Variants in SCEL observed in about 807,000 individuals in gnomAD.
SCEL encodes the protein sciellin.
A neutral mutation model predicts 117.6 loss-of-function variants in SCEL; 113 were observed. That is an observed-to-expected ratio of 0.96 (90% CI 0.83 to 1.12). SCEL has a LOEUF of 1.12. Among genes scored for constraint, SCEL ranks in the 50% most tolerant of loss-of-function variants. SCEL has a pLI of 0.00. For missense variants in SCEL, 785 were observed against 810.8 expected (o/e 0.97, Z 0.39); for synonymous variants, 270 against 256.2 (o/e 1.05, Z -0.51).
At chr13:77,542,285 C>T (rs565336889) in intron 1 of SCEL, among the ~76,000 whole-genome samples, 61 of 152,256 alleles carry the variant, frequency 4.0e-4, no homozygotes, top group African/African-American at 1.1e-3. Flanking sequence ...CCTGTAATCC[C>T]AGCTACTCAG....
intron 9 of SCEL, among the ~76,000 whole-genome samples, chr13:77,575,028 A>G (rs1013825844): frequency 1.3e-5 from 2 of 152,172 alleles, no homozygotes; most frequent in East Asian, 1.9e-4. Flanking sequence ...ACTTGAAAAG[A>G]CCATCAAACT....
At chr13:77,584,898 G>C (rs1567380394) in intron 9 of SCEL, among the ~76,000 whole-genome samples, 1 of 152,182 alleles carries the variant, frequency 6.6e-6, no homozygotes, top group Non-Finnish European at 1.5e-5. Flanking sequence ...AAATACTGTA[G>C]AATCTGCCAC....
chr13:77,552,763 C>G (rs2084412568), intron 1 of SCEL, among the ~76,000 whole-genome samples: 6 of 152,146 alleles, frequency 3.9e-5, no homozygotes, highest in Non-Finnish European at 1.5e-5. Flanking sequence ...ACATGAAGTC[C>G]TTGCCCATGC....
chr13:77,593,300 G>GTGCGTGCGCGTC (rs1555510800), intron 11 of SCEL, among the ~76,000 whole-genome samples: 1 of 145,148 alleles, frequency 6.9e-6, no homozygotes, highest in Admixed American at 6.8e-5. Flanking sequence ...GTGTGTGTCT[G>GTGCGTGCGCGTC]TGTGTGTGTG....
chr13:77,583,793 G>T (rs1410966684), intron 9 of SCEL, among the ~76,000 whole-genome samples: 2 of 152,138 alleles, frequency 1.3e-5, no homozygotes, highest in Admixed American at 6.5e-5. Flanking sequence ...TAATAGACAT[G>T]TTCACACAGC....
intron 5 of SCEL, among the ~76,000 whole-genome samples, chr13:77,564,353 T>C (rs536823621): frequency 3.3e-5 from 5 of 152,190 alleles, no homozygotes; most frequent in Non-Finnish European, 7.4e-5. Flanking sequence ...AGACGTTAGC[T>C]CTTTACTTTC....
intron 9 of SCEL, among the ~76,000 whole-genome samples, chr13:77,582,772 T>G (rs931601200): frequency 1.3e-5 from 2 of 152,202 alleles, no homozygotes; most frequent in East Asian, 1.9e-4. Context: ...TATGCTTTTG[T>G]TATTATGTTT....
chr13:77,609,206 A>G (rs2088457996), intron 21 of SCEL, 89 bp downstream of exon 21: 1 of 1,056,750 alleles, frequency 9.5e-7, no homozygotes, highest in Non-Finnish European at 1.4e-6. Flanking sequence ...CTGATGCTGA[A>G]CCCAATGATC....
At chr13:77,593,767 T>C (rs1239642335) in intron 12 of SCEL, among the ~76,000 whole-genome samples, 194 bp downstream of exon 12, 1 of 152,172 alleles carries the variant, frequency 6.6e-6, no homozygotes, top group Non-Finnish European at 1.5e-5. Context: ...TTATGGACAC[T>C]CTTCCAACTC....
chr13:77,631,233 A>C (rs1372407809), intron 28 of SCEL, among the ~76,000 whole-genome samples: 2 of 152,202 alleles, frequency 1.3e-5, no homozygotes, highest in Non-Finnish European at 2.9e-5. Flanking sequence ...TGGTTGCCAA[A>C]GTGTTGTCTC....
intron 27 of SCEL, among the ~76,000 whole-genome samples, chr13:77,624,394 G>A (rs370573572): frequency 6.6e-5 from 10 of 152,080 alleles, no homozygotes; most frequent in African/African-American, 2.4e-4. Context: ...GTGAACCACC[G>A]CGCCCAGCCA....
At chr13:77,631,191 A>C (rs1461034834) in intron 28 of SCEL, among the ~76,000 whole-genome samples, 1 of 152,228 alleles carries the variant, frequency 6.6e-6, no homozygotes, top group Non-Finnish European at 1.5e-5. Flanking sequence ...GGGGCCCAGT[A>C]GCATTTTAAA....
chr13:77,607,066 G>T (rs1346052582), intron 19 of SCEL, among the ~76,000 whole-genome samples: 3 of 152,104 alleles, frequency 2.0e-5, no homozygotes, highest in Non-Finnish European at 4.4e-5. Flanking sequence ...TCTGAGACAG[G>T]GTCTTGCTGT....
intron 30 of SCEL, among the ~76,000 whole-genome samples, chr13:77,637,447 G>T (rs1278274753): frequency 1.4e-5 from 2 of 146,512 alleles, no homozygotes; most frequent in African/African-American, 2.5e-5. Flanking sequence ...GCTGTTCTTT[G>T]TACTTGGAGA....
At chr13:77,563,401 G>A (rs1310821007) in intron 4 of SCEL, among the ~76,000 whole-genome samples, 5 of 152,068 alleles carry the variant, frequency 3.3e-5, no homozygotes, top group African/African-American at 1.2e-4. Context: ...TTAGTCCATG[G>A]TGCTGGTTTA....
Position 77,567,742 on chromosome 13 carries a change from C to G in SCEL, c.353C>G (p.Thr118Ser). The G allele has an allele frequency of 1.3e-6, 2 of 1,591,548 alleles. No individual in the cohort carries two copies. The highest frequency in any genetic ancestry group is 2.2e-5 in the South Asian group (2 of 89,314). ...GCCAATACCTTGGATAACCAACTAA[C>G]CAATAGGTACCAGTATCTACTAACT... ...YKANTLDNQL[T>S]NRSMSMFRSL... is the part of the protein sequence containing the mutation. The change falls in exon 6 of 33, where the codon ACC becomes AGC. Residue 118 changes from threonine (T) to serine (S), a missense_variant. Physicochemically the swap from Thr to Ser is moderately conservative, Grantham distance 58 (BLOSUM62 1). Coordinates refer to ENST00000349847, the MANE Select transcript of SCEL (RefSeq NM_144777.3).
At chr13:77,562,516 C>T (rs1037531205) in intron 4 of SCEL, among the ~76,000 whole-genome samples, 1 of 152,186 alleles carries the variant, frequency 6.6e-6, no homozygotes, top group African/African-American at 2.4e-5. Flanking sequence ...TCAAACTGCA[C>T]TTCATTCCAT....
intron 15 of SCEL, among the ~76,000 whole-genome samples, chr13:77,600,960 G>A (rs1248071764): frequency 6.6e-6 from 1 of 152,176 alleles, no homozygotes; most frequent in East Asian, 1.9e-4. Flanking sequence ...AACCCTTTAT[G>A]ATGTAGAACA....
At chr13:77,563,158 C>T (rs2085080250) in intron 4 of SCEL, among the ~76,000 whole-genome samples, 1 of 151,692 alleles carries the variant, frequency 6.6e-6, no homozygotes, top group Non-Finnish European at 1.5e-5. Flanking sequence ...TCTTGCTCTC[C>T]TCTCTTTGCC....
Sources: allele counts gnomAD v4.1 joint callset (sites outside exome capture counted in the v4.1 genomes callset), GRCh38; gene constraint gnomAD v4.1.1; transcripts MANE v1.5; gene names NCBI Gene and HGNC (gene_info 2026-07-23, HGNC 2026-07-21).